Variants in RBMS3 observed in about 807,000 individuals in gnomAD.
The protein encoded by RBMS3 is RNA binding motif single stranded interacting protein 3.
In RBMS3, 27 loss-of-function variants were observed where a neutral mutation model predicts 66.8. The ratio of observed to expected loss-of-function variants is 0.40; its 90% CI spans 0.30 to 0.56. RBMS3 has a LOEUF of 0.56. Ranked by LOEUF, RBMS3 falls within the 20% of genes least tolerant of loss-of-function variation. The pLI is 0.40. For missense variants in RBMS3, 513 were observed against 549.5 expected (o/e 0.93, Z 0.66); for synonymous variants, 188 against 183.0 (o/e 1.03, Z -0.22).
chr3:29,837,689 T>TGA, intron 6 of RBMS3, among the ~76,000 whole-genome samples: 1 of 124,488 alleles, frequency 8.0e-6, no homozygotes, highest in Admixed American at 8.2e-5. Context: ...TATATATATA[T>TGA]ATATATATAT....
At chr3:29,743,018 C>T (rs1016836478) in intron 5 of RBMS3, among the ~76,000 whole-genome samples, 30 of 152,048 alleles carry the variant, frequency 2.0e-4, no homozygotes, top group African/African-American at 7.2e-4. Flanking sequence ...GCCAGGAAAC[C>T]AACACAGAAA....
chr3:29,425,494 C>T (rs934222255), intron 1 of RBMS3, among the ~76,000 whole-genome samples: 1 of 151,578 alleles, frequency 6.6e-6, no homozygotes, highest in Non-Finnish European at 1.5e-5. Flanking sequence ...AAAAATTAGC[C>T]GGGTGTGGTG....
intron 1 of RBMS3, among the ~76,000 whole-genome samples, chr3:29,308,741 A>G (rs1294450856): frequency 3.2e-5 from 1 of 31,148 alleles, no homozygotes; most frequent in Non-Finnish European, 1.1e-4. Context: ...GTGATTAAAA[A>G]AAAACAAAAA....
intron 10 of RBMS3, among the ~76,000 whole-genome samples, chr3:29,931,830 T>A (rs919390847): frequency 6.6e-6 from 1 of 152,112 alleles, no homozygotes; most frequent in Non-Finnish European, 1.5e-5. Context: ...TCTAGGAATA[T>A]TAAAAACTGG....
chr3:29,370,637 T>C (rs1056966346), intron 1 of RBMS3, among the ~76,000 whole-genome samples: 7 of 152,218 alleles, frequency 4.6e-5, no homozygotes, highest in African/African-American at 1.4e-4. Flanking sequence ...CTTTCAGTTC[T>C]AGTATTAAAT....
Position 29,519,840 on chromosome 3 carries a change from C to G in RBMS3, c.307+31341C>G, listed in dbSNP as rs535159994. On this transcript the variant is annotated intron_variant, in intron 3 of 14. Coordinates refer to ENST00000383767, the MANE Select transcript of RBMS3 (RefSeq NM_001003793.3). ...GTGATTTTTTTACACCACATAATAA[C>G]TTTTACTGTGATTTATTGAGTCTGT... Among the ~76,000 whole-genome samples the G allele has an allele frequency of 2.6e-5, 4 of 152,210 alleles. No individual in the cohort carries two copies. In the South Asian group the frequency reaches 8.3e-4, roughly 32 times the overall value.
Position 29,321,135 on chromosome 3 carries a change from A to C in RBMS3, c.75+39379A>C, listed in dbSNP as rs2034985922. On this transcript the variant is annotated intron_variant, in intron 1 of 14. Coordinates refer to ENST00000383767, the MANE Select transcript of RBMS3 (RefSeq NM_001003793.3). ...CATAGAACTCTTTCTTTCACTTATA[A>C]CCTGAATAACCTATACATAATTACC... Among the ~76,000 whole-genome samples the C allele has an allele frequency of 2.0e-5, 3 of 152,132 alleles. No individual in the cohort carries two copies. The South Asian group carries it at 6.2e-4, about 32-fold the overall frequency.
intron 1 of RBMS3, among the ~76,000 whole-genome samples, chr3:29,406,030 C>A (rs1232106749): frequency 6.6e-6 from 1 of 152,146 alleles, no homozygotes; most frequent in Non-Finnish European, 1.5e-5. Context: ...TCTGGAGTGT[C>A]TTCCAGAGAG....
intron 10 of RBMS3, among the ~76,000 whole-genome samples, chr3:29,907,862 C>T (rs1235415955): frequency 6.6e-6 from 1 of 151,958 alleles, no homozygotes; most frequent in Non-Finnish European, 1.5e-5. Context: ...GGAAGAGATG[C>T]ATTTATTTTA....
In RBMS3 at chr3:29,465,377, G is replaced by A. The variant is rs142490435; in HGVS notation, c.249-23064G>A. Among the ~76,000 whole-genome samples the A allele has an allele frequency of 4.9e-3, 742 of 152,118 alleles. 6 individuals are homozygous for A. The highest frequency in any genetic ancestry group is 0.017 in the African/African-American group (714 of 41,492). ...TCTAACTTACAAGTGCATATTTAGA[G>A]GTGAGAACACTGTAGCACTTAAATA... On this transcript the variant is annotated intron_variant, in intron 2 of 14. Coordinates refer to ENST00000383767, the MANE Select transcript of RBMS3 (RefSeq NM_001003793.3).
intron 4 of RBMS3, among the ~76,000 whole-genome samples, chr3:29,595,335 G>T (rs1330805838): frequency 6.7e-6 from 1 of 150,074 alleles, no homozygotes; most frequent in Non-Finnish European, 1.5e-5. Flanking sequence ...GGAGGTGGAG[G>T]TTGCAGTGAA....
rs567140947 is a variant in RBMS3, at chr3:29,545,346, A to T, written c.308-41768A>T. Among the ~76,000 whole-genome samples the T allele has an allele frequency of 4.6e-5, 7 of 152,262 alleles. 1 individual carries two copies. Among genetic ancestry groups the T allele is most frequent in the African/African-American group, 1.7e-4 (7 of 41,582 alleles). The stretch of plus-strand genomic sequence containing the variant: ...TTAAAACTCTATGATGTTTTTGTGT[A>T]TACTATATTGCTTTTATAACTAGAA... On this transcript the variant is annotated intron_variant, in intron 3 of 14. Coordinates refer to ENST00000383767, the MANE Select transcript of RBMS3 (RefSeq NM_001003793.3).
At chr3:29,959,127 C>T (rs899198258) in intron 12 of RBMS3, among the ~76,000 whole-genome samples, 1 of 152,118 alleles carries the variant, frequency 6.6e-6, no homozygotes, top group Non-Finnish European at 1.5e-5. Flanking sequence ...TAAATCCCAG[C>T]TCTTGCATGG....
chr3:29,900,374 C>T (rs1242919820), intron 10 of RBMS3, among the ~76,000 whole-genome samples: 1 of 151,758 alleles, frequency 6.6e-6, no homozygotes, highest in African/African-American at 2.4e-5. Flanking sequence ...AATTTTCTCT[C>T]TGCAAAATAT....
chr3:29,530,065 C>G (rs571004604), intron 3 of RBMS3, among the ~76,000 whole-genome samples: 1 of 152,138 alleles, frequency 6.6e-6, no homozygotes, highest in Non-Finnish European at 1.5e-5. Context: ...ATTCCCTCTG[C>G]TAGGCATCCC....
chr3:29,629,665 G>A (rs1281181755), intron 4 of RBMS3, among the ~76,000 whole-genome samples: 1 of 152,000 alleles, frequency 6.6e-6, no homozygotes, highest in Admixed American at 6.6e-5. Context: ...CTCCTATCAA[G>A]AATTTGAATT....
At chr3:29,530,685 C>T (rs373073971) in intron 3 of RBMS3, among the ~76,000 whole-genome samples, 14 of 146,306 alleles carry the variant, frequency 9.6e-5, no homozygotes, top group South Asian at 2.2e-4. Context: ...CATGGTGAAA[C>T]GCCATCTCTA....
At chr3:29,387,699 C>G (rs1457051643) in intron 1 of RBMS3, among the ~76,000 whole-genome samples, 3 of 151,940 alleles carry the variant, frequency 2.0e-5, no homozygotes, top group African/African-American at 7.3e-5. Context: ...TCAGGAGATC[C>G]AGACCATCCT....
At chr3:29,515,482 G>A (rs1446592791) in intron 3 of RBMS3, among the ~76,000 whole-genome samples, 3 of 152,200 alleles carry the variant, frequency 2.0e-5, no homozygotes, top group Non-Finnish European at 2.9e-5. Flanking sequence ...TAATATTTTG[G>A]AAAGTCGATT....
Sources: allele counts gnomAD v4.1 joint callset (sites outside exome capture counted in the v4.1 genomes callset), GRCh38; gene constraint gnomAD v4.1.1; transcripts MANE v1.5; gene names NCBI Gene and HGNC (gene_info 2026-07-23, HGNC 2026-07-21).